KCNIP4: variants seen among roughly 807,000 people sequenced by gnomAD.
KCNIP4 encodes potassium voltage-gated channel interacting protein 4.
KCNIP4 carries 12 observed loss-of-function variants against 34.0 expected under a neutral mutation model. That is an observed-to-expected ratio of 0.35 (90% CI 0.23 to 0.57). The LOEUF is 0.57. Ranked by LOEUF, KCNIP4 falls within the 20% of genes least tolerant of loss-of-function variation. The pLI is 0.83. For synonymous variants in KCNIP4, 124 were observed against 102.2 expected (o/e 1.21, Z -1.29); for missense variants, 238 against 311.7 (o/e 0.76, Z 1.78).
intron 1 of KCNIP4, among the ~76,000 whole-genome samples, chr4:21,518,831 G>A (rs1037208848): frequency 6.6e-6 from 1 of 152,094 alleles, no homozygotes. Context: ...ATAAACCCCT[G>A]CATAGCCTGG....
rs139798915 is a variant in KCNIP4, at chr4:21,047,399, C to T, written c.62-164690G>A. On this transcript the variant is annotated intron_variant, in intron 1 of 8. Coordinates refer to ENST00000382152, the MANE Select transcript of KCNIP4 (RefSeq NM_025221.6). Reference sequence around the variant, plus strand: ...TATAATGAAATGATAGCTACCATTTCATTGAGTGTTTCCTATGTGATAGAC... The same window carrying T: ...TATAATGAAATGATAGCTACCATTTTATTGAGTGTTTCCTATGTGATAGAC... Among the ~76,000 whole-genome samples, 237 of 152,276 alleles carry T rather than the reference C, an allele frequency of 1.6e-3. 1 individual carries two copies. The highest frequency in any genetic ancestry group is 5.5e-3 in the African/African-American group (227 of 41,548).
chr4:21,803,418 C>T (rs1021301852), intron 1 of KCNIP4, among the ~76,000 whole-genome samples: 5 of 152,176 alleles, frequency 3.3e-5, no homozygotes, highest in Non-Finnish European at 7.4e-5. Flanking sequence ...ATATGTTCTT[C>T]ACACAACATC....
At chr4:21,947,777 C>A (rs1730587238) in intron 1 of KCNIP4, among the ~76,000 whole-genome samples, 1 of 152,184 alleles carries the variant, frequency 6.6e-6, no homozygotes, top group South Asian at 2.1e-4. Context: ...CATTCTCTTT[C>A]CGGCTCCTGT....
intron 1 of KCNIP4, among the ~76,000 whole-genome samples, chr4:21,719,251 C>A (rs1714614284): frequency 6.6e-6 from 1 of 152,110 alleles, no homozygotes; most frequent in Non-Finnish European, 1.5e-5. Context: ...TTATATCAGA[C>A]ACCCAGGAAC....
intron 1 of KCNIP4, among the ~76,000 whole-genome samples, chr4:21,485,993 T>C (rs369640436): frequency 1.2e-4 from 18 of 152,200 alleles, no homozygotes; most frequent in Admixed American, 7.2e-4. Context: ...ATGATTATTT[T>C]TCTTTTGCAG....
chr4:21,589,388 A>C (rs997055640), intron 1 of KCNIP4, among the ~76,000 whole-genome samples: 2 of 149,420 alleles, frequency 1.3e-5, no homozygotes, highest in African/African-American at 4.9e-5. Context: ...TCAGGGTCGG[A>C]GAAAAGGATA....
At chr4:21,059,354 C>T (rs1022918645) in intron 1 of KCNIP4, among the ~76,000 whole-genome samples, 11 of 152,132 alleles carry the variant, frequency 7.2e-5, no homozygotes, top group Non-Finnish European at 1.2e-4. Context: ...GGTTCATTAG[C>T]GCCAACTATT....
At chr4:21,084,965 A>C (rs1490989135) in intron 1 of KCNIP4, among the ~76,000 whole-genome samples, 1 of 149,902 alleles carries the variant, frequency 6.7e-6, no homozygotes, top group Non-Finnish European at 1.5e-5. Context: ...ATACACACTC[A>C]TATTACACTT....
rs547630716 is a variant in KCNIP4, at chr4:21,460,009, C to A, written c.61+488562G>T. Among the ~76,000 whole-genome samples, 12 of 152,004 alleles carry A rather than the reference C, an allele frequency of 7.9e-5. No homozygotes were observed. The South Asian group carries it at 2.5e-3, about 32-fold the overall frequency. ...TGTGCAAACGCAAATTGGATGATAT[C>A]ACTCCTCTGGTCCAATCTTCTCATG... On this transcript the variant is annotated intron_variant, in intron 1 of 8. Transcript: ENST00000382152.
intron 3 of KCNIP4, 42 bp from the exon 4 acceptor site, chr4:20,758,932 TA>T: frequency 6.5e-7 from 1 of 1,546,490 alleles, no homozygotes; most frequent in African/African-American, 1.4e-5. Context: ...AAAGTGTTCA[TA>T]AAACTGAATT....
chr4:20,811,500 T>TGC (rs1376575850), intron 3 of KCNIP4, among the ~76,000 whole-genome samples: 3 of 94,282 alleles, frequency 3.2e-5, no homozygotes, highest in Non-Finnish European at 6.9e-5. Context: ...CATGTGTGTG[T>TGC]GTGTGTGTGT....
intron 1 of KCNIP4, among the ~76,000 whole-genome samples, chr4:21,448,354 T>C (rs1203638436): frequency 6.6e-6 from 1 of 151,764 alleles, no homozygotes; most frequent in African/African-American, 2.4e-5. Context: ...CAAAAGAAAA[T>C]GAGAAACATG....
chr4:21,443,954 T>C (rs1250154397), intron 1 of KCNIP4, among the ~76,000 whole-genome samples: 1 of 151,978 alleles, frequency 6.6e-6, no homozygotes, highest in African/African-American at 2.4e-5. Context: ...TCACCACTGA[T>C]CCCACAGAAA....
chr4:21,044,020 AGAAATTCTACTCCAGGGTCCT>A (rs1430199224), intron 1 of KCNIP4, among the ~76,000 whole-genome samples: 1 of 152,120 alleles, frequency 6.6e-6, no homozygotes, highest in Non-Finnish European at 1.5e-5. Flanking sequence ...ATTCTGGAGT[AGAAATTCTACTCCAGGGTCCT>A]GGAGGCTTTG....
At position 21,676,346 on chromosome 4, in the gene KCNIP4, A is replaced by T. The variant is rs556400119; in HGVS notation, c.61+272225T>A. 7.7e-4 allele frequency among the ~76,000 whole-genome samples: 118 copies of T among 152,366 alleles called. 1 individual carries two copies. The highest frequency in any genetic ancestry group is 2.8e-3 in the African/African-American group (115 of 41,602). On this transcript the variant is annotated intron_variant, in intron 1 of 8. Coordinates refer to ENST00000382152, the MANE Select transcript of KCNIP4 (RefSeq NM_025221.6). ...CTTAAGAGTGACATTTCCAAAGTCAAATCATAATCTGGATAAGTTGTCCTC... is the reference window on the plus strand; with the variant it reads ...CTTAAGAGTGACATTTCCAAAGTCATATCATAATCTGGATAAGTTGTCCTC...
At chr4:21,148,841 C>A (rs1752570401) in intron 1 of KCNIP4, among the ~76,000 whole-genome samples, 1 of 152,170 alleles carries the variant, frequency 6.6e-6, no homozygotes, top group Non-Finnish European at 1.5e-5. Flanking sequence ...AATGATCAAT[C>A]TGTTTTGATG....
At chr4:21,357,511 T>C (rs1718756338) in intron 1 of KCNIP4, among the ~76,000 whole-genome samples, 1 of 152,082 alleles carries the variant, frequency 6.6e-6, no homozygotes, top group Middle Eastern at 3.2e-3. Context: ...GGGCAAAGGA[T>C]ATGAACAGAC....
At chr4:21,730,129 A>G (rs1481048627) in intron 1 of KCNIP4, 1 of 152,174 alleles carries the variant, frequency 6.6e-6, no homozygotes, top group Non-Finnish European at 1.5e-5. Context: ...GAAGATGTCA[A>G]AAATATTCAG....
chr4:20,989,912 G>A (rs1026176273), intron 1 of KCNIP4, among the ~76,000 whole-genome samples: 10 of 152,206 alleles, frequency 6.6e-5, no homozygotes, highest in African/African-American at 1.4e-4. Context: ...GAGGCTGCCC[G>A]TGCCACTGCA....
Sources: allele counts gnomAD v4.1 joint callset (sites outside exome capture counted in the v4.1 genomes callset), GRCh38; gene constraint gnomAD v4.1.1; transcripts MANE v1.5; gene names NCBI Gene and HGNC (gene_info 2026-07-23, HGNC 2026-07-21).